ARHGAP15: variants seen among roughly 807,000 people sequenced by gnomAD.
ARHGAP15 encodes the protein rho GTPase-activating protein 15.
Under a neutral mutation model 63.7 loss-of-function variants are expected in ARHGAP15, and 51 were observed. The observed-to-expected ratio is 0.80, with a 90% confidence interval of 0.64 to 1.01. ARHGAP15 has a LOEUF of 1.01. Among genes scored for constraint, ARHGAP15 ranks in the 50% least tolerant of loss-of-function variants. ARHGAP15 has a pLI of 0.00. For synonymous variants in ARHGAP15, 191 were observed against 193.8 expected, an observed-to-expected ratio of 0.99 and a Z score of 0.12; for missense variants, 560 against 564.6, an observed-to-expected ratio of 0.99 and a Z score of 0.08.
At chr2:143,210,404 C>A (rs748382838) in intron 3 of ARHGAP15, among the ~76,000 whole-genome samples, 6 of 152,126 alleles carry the variant, frequency 3.9e-5, no homozygotes, top group Non-Finnish European at 5.9e-5. Context: ...TCTTAAACAT[C>A]AAATAATAAC....
chr2:143,327,066 G>C (rs1419572295), intron 6 of ARHGAP15, among the ~76,000 whole-genome samples: 1 of 152,202 alleles, frequency 6.6e-6, no homozygotes, highest in Non-Finnish European at 1.5e-5. Flanking sequence ...CTTGAGCAAA[G>C]TCTCAGGATA....
intron 13 of ARHGAP15, among the ~76,000 whole-genome samples, chr2:143,754,731 C>G (rs940187688): frequency 5.3e-5 from 8 of 152,176 alleles, no homozygotes; most frequent in African/African-American, 1.9e-4. Flanking sequence ...CTCACCTTTC[C>G]TAGACCCTCC....
chr2:143,262,883 G>A (rs1680799566), intron 6 of ARHGAP15, among the ~76,000 whole-genome samples: 1 of 152,124 alleles, frequency 6.6e-6, no homozygotes, highest in Non-Finnish European at 1.5e-5. Context: ...TAATTCAGCA[G>A]AGCCAAAGTT....
intron 13 of ARHGAP15, among the ~76,000 whole-genome samples, chr2:143,738,187 G>A (rs910485267): frequency 6.6e-6 from 1 of 152,086 alleles, no homozygotes; most frequent in Non-Finnish European, 1.5e-5. Flanking sequence ...ATCTATTGAA[G>A]TTCTTATTTA....
chr2:143,213,149 T>G (rs1369750803), intron 3 of ARHGAP15, among the ~76,000 whole-genome samples: 1 of 152,110 alleles, frequency 6.6e-6, no homozygotes, highest in Non-Finnish European at 1.5e-5. Context: ...AAGCTGGCAT[T>G]TAGAGGAAAG....
chr2:143,656,290 C>G (rs535746714), intron 12 of ARHGAP15: 1 of 152,160 alleles, frequency 6.6e-6, no homozygotes, highest in African/African-American at 2.4e-5. Flanking sequence ...GTCTTCCCAA[C>G]CTATCAGAGC....
intron 6 of ARHGAP15, among the ~76,000 whole-genome samples, chr2:143,320,418 C>CCCCCCCCCCCCCCCCCCCCCCCA (rs1683966499): frequency 1.0e-5 from 1 of 96,112 alleles, no homozygotes; most frequent in Admixed American, 1.1e-4. Flanking sequence ...ACCCCCCCCC[C>CCCCCCCCCCCCCCCCCCCCCCCA]CCCCAGAGAT....
At chr2:143,656,478 A>G (rs1213859798) in intron 12 of ARHGAP15, among the ~76,000 whole-genome samples, 2 of 152,136 alleles carry the variant, frequency 1.3e-5, no homozygotes, top group African/African-American at 4.8e-5. Flanking sequence ...AACCAATTTG[A>G]TTGTGTTTTT....
intron 9 of ARHGAP15, among the ~76,000 whole-genome samples, chr2:143,500,492 T>C (rs919715182): frequency 8.5e-5 from 13 of 152,268 alleles, no homozygotes; most frequent in African/African-American, 3.1e-4. Flanking sequence ...GATTTAGATA[T>C]ATTTGACAGT....
intron 6 of ARHGAP15, among the ~76,000 whole-genome samples, chr2:143,404,269 A>G (rs1688107766): frequency 6.6e-6 from 1 of 151,862 alleles, no homozygotes; most frequent in African/African-American, 2.4e-5. Context: ...TTCAAGAACA[A>G]GAATTGGTAA....
At chr2:143,285,025 C>CCAAAGACATACACCAGT (rs1682026123) in intron 6 of ARHGAP15, among the ~76,000 whole-genome samples, 1 of 151,906 alleles carries the variant, frequency 6.6e-6, no homozygotes, top group Admixed American at 6.6e-5. Flanking sequence ...GGAAATTGAG[C>CCAAAGACATACACCAGT]CAAAGACATA....
At chr2:143,682,005 G>A (rs1157450911) in intron 12 of ARHGAP15, among the ~76,000 whole-genome samples, 2 of 152,178 alleles carry the variant, frequency 1.3e-5, no homozygotes, top group Non-Finnish European at 2.9e-5. Context: ...TTTAACCCAT[G>A]TGATAGGTAT....
At chr2:143,299,400 A>G (rs543679120) in intron 6 of ARHGAP15, among the ~76,000 whole-genome samples, 6 of 152,012 alleles carry the variant, frequency 3.9e-5, no homozygotes, top group African/African-American at 1.2e-4. Context: ...TATTTACCAC[A>G]CTTTCTCATA....
intron 9 of ARHGAP15, among the ~76,000 whole-genome samples, chr2:143,493,198 G>A (rs1262653463): frequency 2.0e-5 from 3 of 152,106 alleles, no homozygotes; most frequent in Non-Finnish European, 4.4e-5. Context: ...CTCTCAAAGG[G>A]TAAGGCCCCT....
At chr2:143,506,183 G>A (rs1332547480) in intron 9 of ARHGAP15, among the ~76,000 whole-genome samples, 1 of 152,172 alleles carries the variant, frequency 6.6e-6, no homozygotes, top group Non-Finnish European at 1.5e-5. Flanking sequence ...TCTAGAGTGA[G>A]TCAAAATTTC....
At chr2:143,217,059 T>C (rs2105145405) in intron 4 of ARHGAP15, among the ~76,000 whole-genome samples, 1 of 152,346 alleles carries the variant, frequency 6.6e-6, no homozygotes, top group Middle Eastern at 3.4e-3. Context: ...CTATTTCTCG[T>C]ATTGGTTCTG....
chr2:143,344,503 A>T (rs1214165023), intron 6 of ARHGAP15, among the ~76,000 whole-genome samples: 2 of 152,096 alleles, frequency 1.3e-5, no homozygotes, highest in Non-Finnish European at 2.9e-5. Context: ...ATTAAATAAA[A>T]CCTCTCTCTG....
chr2:143,666,272 A>G lies in ARHGAP15; in HGVS notation c.1139-37147A>G, dbSNP rs1253789061. 4.0e-5 allele frequency among the ~76,000 whole-genome samples: 6 copies of G among 148,730 alleles called. No homozygotes were observed. The East Asian group carries it at 1.0e-3, about 25-fold the overall frequency. On this transcript the variant is annotated intron_variant, in intron 12 of 13. Coordinates refer to ENST00000295095, the MANE Select transcript of ARHGAP15 (RefSeq NM_018460.4). ...CCCTCAGAAATAATGCCGCATGTCT[A>G]CAACTATCTGATCTTTGACAAACCT...
intron 11 of ARHGAP15, among the ~76,000 whole-genome samples, chr2:143,580,520 G>A (rs555997563): frequency 7.2e-5 from 11 of 152,104 alleles, no homozygotes; most frequent in Non-Finnish European, 1.0e-4. Flanking sequence ...TTCTTTTCCC[G>A]AAATTCTCTT....
Sources: allele counts gnomAD v4.1 joint callset (sites outside exome capture counted in the v4.1 genomes callset), GRCh38; gene constraint gnomAD v4.1.1; transcripts MANE v1.5; gene names NCBI Gene and HGNC (gene_info 2026-07-23, HGNC 2026-07-21).